BST1: variants seen among roughly 807,000 people sequenced by gnomAD.
The protein encoded by BST1 is bone marrow stromal cell antigen 1, also known as ADP-ribosyl cyclase/cyclic ADP-ribose hydrolase 2.
In BST1, 49 loss-of-function variants were observed where a neutral mutation model predicts 40.6. That is an observed-to-expected ratio of 1.21 (90% CI 0.96 to 1.53). The LOEUF (loss-of-function observed/expected upper bound fraction) is 1.53, where lower values mean the gene tolerates loss of function less well. BST1 is among the 40% of genes most tolerant of loss of function. The pLI, the probability that BST1 is intolerant of heterozygous loss-of-function variation, is 0.00. For synonymous variants in BST1, 157 were observed against 159.3 expected, an observed-to-expected ratio of 0.99 and a Z score of 0.11; for missense variants, 423 against 395.9, an observed-to-expected ratio of 1.07 and a Z score of -0.58.
In BST1 at chr4:15,732,782, C is replaced by T. The variant is rs1467069198; in HGVS notation, c.*937C>T. 1.3e-5 allele frequency: 2 copies of T among 152,174 alleles called. No individual in the cohort carries two copies. The highest frequency in any genetic ancestry group is 1.9e-4 in the East Asian group (1 of 5,200). 9.4% of individuals were successfully genotyped at this position (152,174 alleles called of 1,614,324 possible). A position where few individuals can be genotyped will look rare whatever the true frequency, so the allele number is the denominator to read the frequency against. ...AAAAATAAAAAAGAGGTTTAATTGA[C>T]TCACAGTTCTGTGTCCAGAATTGTG... On this transcript the variant is annotated 3_prime_UTR_variant, in exon 9 of 9. Transcript: ENST00000265016.
At chr4:15,707,847 CTCTCTCTCTATA>C (rs1300230540) in intron 3 of BST1, among the ~76,000 whole-genome samples, 1 of 110,140 alleles carries the variant, frequency 9.1e-6, no homozygotes, top group African/African-American at 3.4e-5. Context: ...CTCTCTCTCT[CTCTCTCTCTATA>C]TATATATATA....
chr4:15,744,676 A>C, the BST1 span, among the ~76,000 whole-genome samples: 1 of 152,208 alleles, frequency 6.6e-6, no homozygotes, highest in African/African-American at 2.4e-5. Flanking sequence ...GGACACTGTA[A>C]TCGTGAGGCT....
the BST1 span, among the ~76,000 whole-genome samples, chr4:15,771,109 T>A: frequency 1.3e-5 from 2 of 152,286 alleles, no homozygotes; most frequent in African/African-American, 2.4e-5. Flanking sequence ...TATCAGAATA[T>A]GCCATTTTTC....
At chr4:15,716,402 A>G (rs1720517196) in intron 6 of BST1, among the ~76,000 whole-genome samples, 1 of 152,242 alleles carries the variant, frequency 6.6e-6, no homozygotes, top group Non-Finnish European at 1.5e-5. Flanking sequence ...CACAGCCTAA[A>G]TAAAGCTGGA....
chr4:15,726,625 G>A (rs1721128545), intron 8 of BST1, among the ~76,000 whole-genome samples: 1 of 152,202 alleles, frequency 6.6e-6, no homozygotes, highest in Non-Finnish European at 1.5e-5. Flanking sequence ...CTTGGATAGG[G>A]AAGTGTCTGT....
At chr4:15,746,736 G>T in the BST1 span, among the ~76,000 whole-genome samples, 1 of 152,204 alleles carries the variant, frequency 6.6e-6, no homozygotes, top group Admixed American at 6.5e-5. Flanking sequence ...GTCACCTTCA[G>T]GGGTGTTTAC....
At chr4:15,737,953 A>G (rs916186048) in exon 7 of BST1, 3 of 468,136 alleles carry the variant, frequency 6.4e-6, no homozygotes, top group South Asian at 3.6e-5. Flanking sequence ...AATGCTCTCC[A>G]CAAGCTTCAG....
In BST1 at chr4:15,715,336, C is replaced by A. The variant is rs1480944732; in HGVS notation, c.586C>A (p.Pro196Thr). 2 of 1,614,098 alleles carry A rather than the reference C, an allele frequency of 1.2e-6. No homozygotes were observed. Among genetic ancestry groups the A allele is most frequent in the Non-Finnish European group, 1.7e-6 (2 of 1,179,984 alleles). The change falls in exon 5 of 9, where the codon CCA (proline) becomes ACA (threonine). Residue 196 changes from proline (P) to threonine (T), a missense_variant. Coordinates refer to ENST00000265016, the MANE Select transcript of BST1 (RefSeq NM_004334.3). ...CCACGTCATGCTGAATGGTTCAGAG[C>A]CAACAGGAGCCTATCCCATCAAAGG... ...VIHVMLNGSEPTGAYPIKGFF... is the reference protein window; with the variant it reads ...VIHVMLNGSETTGAYPIKGFF...
intron 3 of BST1, among the ~76,000 whole-genome samples, chr4:15,711,261 TA>T (rs1467692233): frequency 6.6e-6 from 1 of 152,232 alleles, no homozygotes; most frequent in Non-Finnish European, 1.5e-5. Context: ...ATTGATCTGC[TA>T]GGGTCTTTAG....
chr4:15,731,566 T>C, intron 8 of BST1, 174 bp from the exon 9 acceptor site: 1 of 1,061,400 alleles, frequency 9.4e-7, no homozygotes, highest in Middle Eastern at 2.5e-4. Flanking sequence ...CTTGCGCTGG[T>C]TTCGGTGCAG....
the BST1 span, among the ~76,000 whole-genome samples, chr4:15,751,209 G>C: frequency 6.6e-6 from 1 of 152,168 alleles, no homozygotes; most frequent in Admixed American, 6.5e-5. Flanking sequence ...GAATTAATTT[G>C]TCACAAGAGT....
the BST1 span, among the ~76,000 whole-genome samples, chr4:15,763,859 T>C: frequency 6.6e-6 from 1 of 152,056 alleles, no homozygotes. Flanking sequence ...TATGACATTG[T>C]GGAAAAGGCA....
intron 4 of BST1, among the ~76,000 whole-genome samples, chr4:15,715,042 T>C (rs1286942881): frequency 6.6e-6 from 1 of 152,224 alleles, no homozygotes; most frequent in African/African-American, 2.4e-5. Flanking sequence ...ATACTGTGTA[T>C]TTTCTATTAT....
Position 15,705,585 on chromosome 4 carries a change from C to A in BST1, c.259C>A (p.Pro87Thr), listed in dbSNP as rs35365771. Residue 87 changes from proline to threonine, a missense_variant, in exon 2 of 9, where the codon CCC becomes ACC. Coordinates refer to ENST00000265016, the MANE Select transcript of BST1 (RefSeq NM_004334.3). Reference protein sequence around the residue: ...ALDKDPCSVLPSDYDLFINLS... With the variant: ...ALDKDPCSVLTSDYDLFINLS... ...GGACAAGGATCCCTGCTCCGTGCTG[C>A]CCTCAGACTATGACCTTTTTATTAA... 1 of 1,613,588 alleles carries A rather than the reference C, an allele frequency of 6.2e-7. No homozygotes were observed. Among genetic ancestry groups the A allele is most frequent in the African/African-American group, 1.3e-5 (1 of 74,894 alleles).
At chr4:15,767,091 C>T in the BST1 span, among the ~76,000 whole-genome samples, 7 of 151,436 alleles carry the variant, frequency 4.6e-5, no homozygotes, top group African/African-American at 1.5e-4. Context: ...AAGCCAGAGC[C>T]GAAGCCTAAA....
the BST1 span, among the ~76,000 whole-genome samples, chr4:15,753,549 GGTCTTTAAGAAT>G: frequency 1.3e-5 from 2 of 152,128 alleles, no homozygotes; most frequent in Non-Finnish European, 2.9e-5. Context: ...GAAAGAGTAG[GGTCTTTAAGAAT>G]GTTACGAGAC....
chr4:15,767,580 A>T, the BST1 span, among the ~76,000 whole-genome samples: 1 of 149,478 alleles, frequency 6.7e-6, no homozygotes, highest in East Asian at 2.0e-4. Flanking sequence ...TGGGGTTACA[A>T]GCGTGAGCCA....
chr4:15,766,893 G>A, the BST1 span, among the ~76,000 whole-genome samples: 3 of 151,080 alleles, frequency 2.0e-5, no homozygotes, highest in African/African-American at 7.3e-5. Context: ...GTGAAGAAAA[G>A]GGGAGAACAA....
the BST1 span, among the ~76,000 whole-genome samples, chr4:15,755,091 C>T: frequency 7.9e-5 from 12 of 152,212 alleles, no homozygotes; most frequent in East Asian, 2.1e-3. Flanking sequence ...TTTAACCCAC[C>T]CCGTTAGGAA....
Sources: gnomAD v4.1 joint callset for allele counts (sites outside exome capture counted in the v4.1 genomes callset) on GRCh38, gnomAD v4.1.1 for gene constraint, MANE v1.5 for transcripts, NCBI Gene and HGNC (gene_info 2026-07-23, HGNC 2026-07-21) for gene names.